The following PARP12 variants were observed in gnomAD, a reference collection of about 807,000 sequenced individuals.
PARP12 encodes protein mono-ADP-ribosyltransferase PARP12.
PARP12 carries 59 observed loss-of-function variants against 72.4 expected under a neutral mutation model. The observed-to-expected ratio is 0.81, with a 90% CI of 0.66 to 1.01. The LOEUF is 1.01. Ranked by LOEUF, PARP12 falls within the 50% of genes least tolerant of loss-of-function variation. The pLI is 0.00. For missense variants in PARP12, 851 were observed against 914.0 expected (o/e 0.93, Z 0.89); for synonymous variants, 403 against 371.4 (o/e 1.09, Z -0.98).
chr7:140,051,831 G>A (rs1371451711), intron 4 of PARP12, among the ~76,000 whole-genome samples: 3 of 152,198 alleles, frequency 2.0e-5, no homozygotes, highest in Non-Finnish European at 4.4e-5. Context: ...GCCTTGTGGT[G>A]GTGGAGAAGG....
Position 140,058,022 on chromosome 7 carries a change from C to T in PARP12, c.339G>A (p.Arg113=). 6.2e-7 allele frequency: 1 copy of T among 1,614,202 alleles called. No individual in the cohort carries two copies. Among genetic ancestry groups the T allele is most frequent in the South Asian group, 1.1e-5 (1 of 91,086 alleles). ...CKFLRAGKNC[R]NSHSLTTEHN... ...GTTCGGTTGTCAAGCTGTGACTATT[C>T]CTACAGTTCTTCCTGCAAAGAAGCA... Residue 113 remains arginine, a synonymous_variant, in exon 2 of 12, where the codon AGG becomes AGA. Coordinates refer to ENST00000263549, the MANE Select transcript of PARP12 (RefSeq NM_022750.4).
Position 140,033,152 on chromosome 7 carries a change from T to A in PARP12, c.1421+1083A>T, listed in dbSNP as rs985934650. On this transcript the variant is annotated intron_variant, in intron 8 of 11. Transcript: ENST00000263549. Reference sequence around the variant, plus strand: ...AAGCAATCTACCCGCCTCGGCCTCTTGAACTGTTGGGATTACAGGTGTGAG... The same window carrying A: ...AAGCAATCTACCCGCCTCGGCCTCTAGAACTGTTGGGATTACAGGTGTGAG... 5.1e-6 allele frequency: 5 copies of A among 980,620 alleles called. No individual in the cohort carries two copies. The African/African-American group carries it at 8.8e-5, about 17-fold the overall frequency. 60.7% of individuals were successfully genotyped at this position (980,620 alleles called of 1,614,324 possible).
chr7:140,047,142 G>T, intron 4 of PARP12, 135 bp from the exon 5 acceptor site: 2 of 970,938 alleles, frequency 2.1e-6, no homozygotes, highest in Non-Finnish European at 2.9e-6. Flanking sequence ...TGTTTTTTCA[G>T]TGCCGGCATG....
At position 140,046,897 on chromosome 7, in the gene PARP12, G is replaced by C. The variant is rs772709757; in HGVS notation, c.973C>G (p.Pro325Ala). Residue 325 changes from proline (P) to alanine (A), a missense_variant, in exon 5 of 12, where the codon CCC (proline) becomes GCC (alanine). Transcript: ENST00000263549. ...CATATTTCCTACCTTTCTATTTTGGGATTGCAATATGCCTCTTCAATAAGT... is the reference window on the plus strand; with the variant it reads ...CATATTTCCTACCTTTCTATTTTGGCATTGCAATATGCCTCTTCAATAAGT... ...MELIEEAYCN[P>A]KIERILCSES... The C allele has an allele frequency of 6.2e-7, 1 of 1,613,418 alleles. No individual in the cohort carries two copies. Among genetic ancestry groups the C allele is most frequent in the Non-Finnish European group, 8.5e-7 (1 of 1,179,830 alleles).
At chr7:140,057,743 C>T in intron 2 of PARP12, 156 bp downstream of exon 2, 2 of 1,092,826 alleles carry the variant, frequency 1.8e-6, no homozygotes, top group Non-Finnish European at 2.5e-6. Context: ...CCTTGAACTT[C>T]ACTGCTCCTT....
At chr7:140,044,191 A>T (rs1172463545) in intron 5 of PARP12, among the ~76,000 whole-genome samples, 1 of 152,194 alleles carries the variant, frequency 6.6e-6, no homozygotes, top group Admixed American at 6.5e-5. Context: ...GAGAGAAAAA[A>T]ACAGACTATC....
chr7:140,062,434 A>G, intron 1 of PARP12, 88 bp downstream of exon 1: 1 of 1,337,168 alleles, frequency 7.5e-7, no homozygotes, highest in East Asian at 2.9e-5. Flanking sequence ...TGTCTGCTCA[A>G]ACTTCAAGTA....
intron 1 of PARP12, among the ~76,000 whole-genome samples, chr7:140,061,474 G>C (rs937855715): frequency 6.6e-6 from 1 of 151,660 alleles, no homozygotes; most frequent in African/African-American, 2.4e-5. Flanking sequence ...CACAAAACAG[G>C]GAGCAAGCAA....
At chr7:140,031,069 G>A (rs1021071131) in intron 8 of PARP12, among the ~76,000 whole-genome samples, 2 of 152,204 alleles carry the variant, frequency 1.3e-5, no homozygotes, top group Non-Finnish European at 2.9e-5. Flanking sequence ...TTGTACTTAA[G>A]TGAAGAACAT....
chr7:140,034,470 T>C (rs1319063925), intron 7 of PARP12, 139 bp from the exon 8 acceptor site: 2 of 646,914 alleles, frequency 3.1e-6, no homozygotes, highest in African/African-American at 1.8e-5. Context: ...CTGTTAAAAA[T>C]AGGGCCATTT....
chr7:140,057,532 C>T, intron 2 of PARP12: 1 of 356,296 alleles, frequency 2.8e-6, no homozygotes, highest in Non-Finnish European at 5.1e-6. Context: ...CCCCAGTTTT[C>T]TCTGAGCTCT....
At chr7:140,028,292 C>T (rs1438286173) in intron 9 of PARP12, among the ~76,000 whole-genome samples, 1 of 152,166 alleles carries the variant, frequency 6.6e-6, no homozygotes, top group Non-Finnish European at 1.5e-5. Context: ...CCTTTTCTCG[C>T]TTAATAAAAT....
intron 11 of PARP12, chr7:140,025,631 A>G: frequency 2.2e-6 from 1 of 446,060 alleles, no homozygotes; most frequent in South Asian, 1.6e-5. Flanking sequence ...GAGAAGTGGC[A>G]GCATGTTAAA....
intron 4 of PARP12, among the ~76,000 whole-genome samples, chr7:140,052,019 C>T (rs1442763455): frequency 6.6e-6 from 1 of 152,204 alleles, no homozygotes; most frequent in East Asian, 1.9e-4. Context: ...TCTGCTGTGA[C>T]TGGGCCACTT....
At chr7:140,026,457 A>T in intron 10 of PARP12, 109 bp from the exon 11 acceptor site, 2 of 1,449,580 alleles carry the variant, frequency 1.4e-6, no homozygotes, top group East Asian at 2.3e-5. Context: ...GTGTCCTGGG[A>T]CCAAGAGACG....
intron 9 of PARP12, chr7:140,027,635 T>C (rs778152831): frequency 1.2e-4 from 45 of 378,954 alleles, no homozygotes; most frequent in Admixed American, 7.0e-4. Context: ...AAACCTCTTG[T>C]TTATGTCAGT....
intron 8 of PARP12, among the ~76,000 whole-genome samples, chr7:140,031,367 T>A (rs921346227): frequency 6.6e-6 from 1 of 152,176 alleles, no homozygotes; most frequent in Non-Finnish European, 1.5e-5. Flanking sequence ...AGTGAGACCC[T>A]GTCTCATAAA....
chr7:140,046,546 A>G (rs1816729951), intron 5 of PARP12, among the ~76,000 whole-genome samples: 1 of 152,376 alleles, frequency 6.6e-6, no homozygotes, highest in Middle Eastern at 3.4e-3. Flanking sequence ...TACATGATCA[A>G]TCCCAGCACC....
At chr7:140,027,575 T>C (rs1815784063) in intron 9 of PARP12, 169 bp from the exon 10 acceptor site, 3 of 674,430 alleles carry the variant, frequency 4.4e-6, no homozygotes, top group South Asian at 2.1e-5. Context: ...TCGGTCCTCA[T>C]GAAATGTCAT....
Sources: allele counts gnomAD v4.1 joint callset (sites outside exome capture counted in the v4.1 genomes callset), GRCh38; gene constraint gnomAD v4.1.1; transcripts MANE v1.5; gene names NCBI Gene and HGNC (gene_info 2026-07-23, HGNC 2026-07-21).